XRCC4: variants seen among roughly 807,000 people sequenced by gnomAD.
XRCC4 encodes DNA repair protein XRCC4.
Under a neutral mutation model 39.1 loss-of-function variants are expected in XRCC4, and 28 were observed. The ratio of observed to expected loss-of-function variants is 0.72; its 90% CI spans 0.53 to 0.98. XRCC4 has a LOEUF of 0.98. XRCC4 is among the 50% of genes least tolerant of loss of function. The pLI is 0.00. For missense variants in XRCC4, 350 were observed against 376.4 expected (o/e 0.93, Z 0.58); for synonymous variants, 123 against 126.4 (o/e 0.97, Z 0.18).
chr5:83,110,879 T>C, intron 2 of XRCC4, 149 bp from the exon 3 acceptor site: 1 of 680,436 alleles, frequency 1.5e-6, no homozygotes, highest in African/African-American at 1.9e-5. Context: ...AAGGAATAAT[T>C]TGATTTAAAA....
intron 1 of XRCC4, among the ~76,000 whole-genome samples, chr5:83,078,400 G>A (rs753110417): frequency 2.0e-5 from 3 of 152,182 alleles, no homozygotes. Flanking sequence ...TAAATGTGTG[G>A]TGTATTTTTT....
At chr5:83,345,590 G>A (rs1305151896) in intron 7 of XRCC4, among the ~76,000 whole-genome samples, 1 of 152,134 alleles carries the variant, frequency 6.6e-6, no homozygotes. Flanking sequence ...CTCTCTGTTT[G>A]CACAGGTTGA....
chr5:83,111,626 T>G (rs1746450007), intron 3 of XRCC4, among the ~76,000 whole-genome samples: 1 of 152,082 alleles, frequency 6.6e-6, no homozygotes, highest in African/African-American at 2.4e-5. Flanking sequence ...TTTACTAGAG[T>G]ATATTTGAAA....
chr5:83,181,389 A>G (rs1195233058), intron 3 of XRCC4, among the ~76,000 whole-genome samples: 1 of 152,158 alleles, frequency 6.6e-6, no homozygotes, highest in Non-Finnish European at 1.5e-5. Context: ...TTTTTTGTGT[A>G]TCAATCTCTA....
chr5:83,346,336 G>A (rs918031283), intron 7 of XRCC4, among the ~76,000 whole-genome samples: 2 of 152,132 alleles, frequency 1.3e-5, no homozygotes, highest in Non-Finnish European at 2.9e-5. Flanking sequence ...CTGAGGTCCA[G>A]CAGTGACCTG....
chr5:83,223,824 CT>C (rs1412219036), intron 6 of XRCC4, among the ~76,000 whole-genome samples: 6 of 99,996 alleles, frequency 6.0e-5, no homozygotes, highest in African/African-American at 2.0e-4. Flanking sequence ...AATGCTATCC[CT>C]CCCCCCTCCC....
chr5:83,080,507 C>T (rs964115593), intron 1 of XRCC4, among the ~76,000 whole-genome samples: 1 of 141,994 alleles, frequency 7.0e-6, no homozygotes, highest in African/African-American at 2.7e-5. Flanking sequence ...GCGTGGGCAA[C>T]AGAGCGAGAC....
chr5:83,093,091 A>G (rs1745506191), intron 1 of XRCC4, among the ~76,000 whole-genome samples: 3 of 152,034 alleles, frequency 2.0e-5, no homozygotes, highest in Admixed American at 6.6e-5. Context: ...ACTTTTGAGG[A>G]CACATATAGA....
intron 7 of XRCC4, among the ~76,000 whole-genome samples, chr5:83,290,202 T>A (rs905282036): frequency 2.6e-5 from 4 of 151,850 alleles, no homozygotes; most frequent in Non-Finnish European, 5.9e-5. Context: ...TGACTTTCAG[T>A]TTGTTCAGCT....
At chr5:83,290,199 C>T (rs1405632122) in intron 7 of XRCC4, among the ~76,000 whole-genome samples, 1 of 151,776 alleles carries the variant, frequency 6.6e-6, no homozygotes, top group Non-Finnish European at 1.5e-5. Context: ...AATTGACTTT[C>T]AGTTTGTTCA....
At chr5:83,153,436 A>C (rs184685831) in intron 3 of XRCC4, among the ~76,000 whole-genome samples, 1 of 152,286 alleles carries the variant, frequency 6.6e-6, no homozygotes, top group African/African-American at 2.4e-5. Context: ...TATATATTCC[A>C]GATACTAGAG....
intron 7 of XRCC4, among the ~76,000 whole-genome samples, chr5:83,263,121 T>G (rs1753822502): frequency 6.7e-6 from 1 of 149,848 alleles, no homozygotes; most frequent in South Asian, 2.1e-4. Context: ...TGCGATAGTT[T>G]ACTGAGAATG....
At chr5:83,155,310 G>A (rs1748907397) in intron 3 of XRCC4, among the ~76,000 whole-genome samples, 1 of 152,094 alleles carries the variant, frequency 6.6e-6, no homozygotes, top group Non-Finnish European at 1.5e-5. Context: ...TATTTCTAAA[G>A]GGGAAAAGTT....
intron 3 of XRCC4, among the ~76,000 whole-genome samples, chr5:83,170,263 C>T (rs1003896617): frequency 6.6e-6 from 1 of 152,086 alleles, no homozygotes; most frequent in African/African-American, 2.4e-5. Context: ...TGTAACTGTC[C>T]AACTCCTTTA....
rs777980544 is a variant in XRCC4, at chr5:83,233,714, CCT to C, written c.746-24815_746-24814del. 9.5e-4 allele frequency among the ~76,000 whole-genome samples: 142 copies of C among 149,614 alleles called. 1 individual carries two copies. Among genetic ancestry groups the C allele is most frequent in the Non-Finnish European group, 1.4e-3 (96 of 67,682 alleles). On this transcript the variant is annotated intron_variant, in intron 6 of 7. Coordinates refer to ENST00000396027, the MANE Select transcript of XRCC4 (RefSeq NM_003401.5). ...ACCAGCCTGGCCAACATAGTGAAAC[CCT>C]GTCTCTACTAAAAATGCAAAAAAAA...
intron 7 of XRCC4, among the ~76,000 whole-genome samples, chr5:83,263,075 A>G (rs1753820553): frequency 7.1e-6 from 1 of 140,578 alleles, no homozygotes; most frequent in Non-Finnish European, 1.5e-5. Context: ...ACTCCCACCT[A>G]TGAGTGAGAA....
At chr5:83,263,712 T>C (rs1290704497) in intron 7 of XRCC4, among the ~76,000 whole-genome samples, 1 of 149,334 alleles carries the variant, frequency 6.7e-6, no homozygotes, top group Non-Finnish European at 1.5e-5. Context: ...TTCTTGTAAA[T>C]TTGTTTGAGT....
chr5:83,329,004 G>A (rs1385283682), intron 7 of XRCC4, among the ~76,000 whole-genome samples: 1 of 151,946 alleles, frequency 6.6e-6, no homozygotes, highest in African/African-American at 2.4e-5. Context: ...ACAACTCCTA[G>A]CCTCAAGCAA....
chr5:83,344,802 A>T (rs1456555130), intron 7 of XRCC4, among the ~76,000 whole-genome samples: 1 of 152,180 alleles, frequency 6.6e-6, no homozygotes, highest in Non-Finnish European at 1.5e-5. Context: ...AGGTACATAT[A>T]CCTTCATATA....
Sources: allele counts gnomAD v4.1 joint callset (sites outside exome capture counted in the v4.1 genomes callset), GRCh38; gene constraint gnomAD v4.1.1; transcripts MANE v1.5; gene names NCBI Gene and HGNC (gene_info 2026-07-23, HGNC 2026-07-21).